IFT140: variants seen among roughly 807,000 people sequenced by gnomAD.
IFT140 encodes the protein intraflagellar transport 140.
In IFT140, 133 loss-of-function variants were observed where a neutral mutation model predicts 164.6. That is an observed-to-expected ratio of 0.81 (90% CI 0.70 to 0.93). IFT140 has a LOEUF of 0.93. Among genes scored for constraint, IFT140 ranks in the 40% least tolerant of loss-of-function variants. The pLI is 0.00. For missense variants in IFT140, 2,045 were observed against 1,972.3 expected (o/e 1.04, Z -0.70); for synonymous variants, 860 against 817.3 (o/e 1.05, Z -0.89).
At chr16:1,539,164 C>A (rs576731379) in intron 19 of IFT140, among the ~76,000 whole-genome samples, 1 of 151,998 alleles carries the variant, frequency 6.6e-6, no homozygotes, top group African/African-American at 2.4e-5. Context: ...CCAAGCTGCA[C>A]AGTGCCACGC....
chr16:1,534,201 T>C, intron 19 of IFT140: 3 of 1,568,624 alleles, frequency 1.9e-6, no homozygotes, highest in Non-Finnish European at 2.6e-6. Flanking sequence ...CCTAGCAGCG[T>C]CGGCTCTCCC....
chr16:1,582,962 G>A (rs1596407173), intron 12 of IFT140, among the ~76,000 whole-genome samples: 1 of 152,238 alleles, frequency 6.6e-6, no homozygotes, highest in East Asian at 1.9e-4. Context: ...GAGCATGTCT[G>A]AGGAGCCACC....
Position 1,525,888 on chromosome 16 carries a change from A to C in IFT140, c.2767T>G (p.Tyr923Asp). The change falls in exon 21 of 31, where the codon TAC becomes GAC. Residue 923 changes from tyrosine to aspartate, a missense_variant and splice_region_variant. Physicochemically the swap from Tyr to Asp is radical, Grantham distance 160. Transcript: ENST00000426508. Reference sequence around the variant, plus strand: ...AGAGGCCGCGAGGGCCGCACTCACTAACTGAGGGCCCGGCTGCAGTCGGCG... The same window carrying C: ...AGAGGCCGCGAGGGCCGCACTCACTCACTGAGGGCCCGGCTGCAGTCGGCG... ...ASADCSRALS[Y>D]YEKSDTHRFE... 1.3e-6 allele frequency: 2 copies of C among 1,540,584 alleles called. No homozygotes were observed. Among genetic ancestry groups the C allele is most frequent in the Non-Finnish European group, 1.7e-6 (2 of 1,144,182 alleles).
At chr16:1,562,740 C>T (rs2033486428) in intron 17 of IFT140, among the ~76,000 whole-genome samples, 1 of 152,026 alleles carries the variant, frequency 6.6e-6, no homozygotes, top group Admixed American at 6.6e-5. Flanking sequence ...CCAGTGCACT[C>T]CAGCCTGGGT....
chr16:1,565,424 G>A (rs763719102), intron 16 of IFT140, among the ~76,000 whole-genome samples: 1 of 152,114 alleles, frequency 6.6e-6, no homozygotes, highest in Non-Finnish European at 1.5e-5. Flanking sequence ...TGGATCTGAG[G>A]CGGAAGGTGT....
At chr16:1,593,016 TGGTG>T in intron 4 of IFT140, among the ~76,000 whole-genome samples, 1 of 148,926 alleles carries the variant, frequency 6.7e-6, no homozygotes, top group African/African-American at 2.5e-5. Flanking sequence ...GAGTGACTGG[TGGTG>T]GGACAGGTGT....
intron 7 of IFT140, among the ~76,000 whole-genome samples, chr16:1,589,288 C>T (rs571400254): frequency 9.6e-4 from 146 of 152,280 alleles, no homozygotes; most frequent in Non-Finnish European, 1.5e-3. Flanking sequence ...GAATGAGAGG[C>T]TGTGCAGCGA....
At chr16:1,568,419 T>C in intron 14 of IFT140, 85 bp from the exon 15 acceptor site, 1 of 1,098,698 alleles carries the variant, frequency 9.1e-7, no homozygotes. Context: ...GTTCACCGGA[T>C]GAGTGCTGCA....
At position 1,564,326 on chromosome 16, in the gene IFT140, T is replaced by C. The variant is rs528848172; in HGVS notation, c.1902-164A>G. ...GGGGTCTCACTGCCATGCGCCCTAC[T>C]GGAACATGTTCTCAGATTTTAACAA... On this transcript the variant is annotated intron_variant, in intron 16 of 30. Transcript: ENST00000426508. The surrounding 1 kb of genome is among the most constrained non-coding windows in gnomAD (Gnocchi z 5.5). Among the ~76,000 whole-genome samples the C allele has an allele frequency of 6.6e-6, 1 of 152,274 alleles. No homozygotes were observed. Among genetic ancestry groups the C allele is most frequent in the South Asian group, 2.1e-4 (1 of 4,828 alleles).
Position 1,554,737 on chromosome 16 carries a change from G to A in IFT140, c.2399+3198C>T, listed in dbSNP as rs139314899. ...GAGGGCTGGGGAAGGAGTGGAACCC[G>A]CCTTCCTCTCAGACAAGGCCTCTCA... On this transcript the variant is annotated intron_variant, in intron 19 of 30. Coordinates refer to ENST00000426508, the MANE Select transcript of IFT140 (RefSeq NM_014714.4). The A allele has an allele frequency of 1.0e-5, 16 of 1,604,066 alleles. No individual in the cohort carries two copies. In the Admixed American group the frequency reaches 1.7e-4, roughly 17 times the overall value.
chr16:1,604,521 A>T (rs772777202), intron 3 of IFT140: 28 of 152,344 alleles, frequency 1.8e-4, no homozygotes, highest in Non-Finnish European at 3.5e-4. Flanking sequence ...CAGACCTGGG[A>T]GGCGCTAGGG....
chr16:1,528,645 C>T (rs928642014), intron 19 of IFT140: 4 of 154,556 alleles, frequency 2.6e-5, no homozygotes, highest in African/African-American at 7.2e-5. Context: ...GGGCCACCCT[C>T]GCATTCCAGG....
intron 3 of IFT140, among the ~76,000 whole-genome samples, chr16:1,605,067 A>G (rs1415442315): frequency 1.3e-5 from 2 of 152,112 alleles, no homozygotes; most frequent in Non-Finnish European, 2.9e-5. Context: ...CAGGAGATGT[A>G]TGTCTGCAAG....
chr16:1,606,397 A>G (rs1274630996), intron 3 of IFT140, among the ~76,000 whole-genome samples: 1 of 152,238 alleles, frequency 6.6e-6, no homozygotes, highest in African/African-American at 2.4e-5. Context: ...AGAACTGCCC[A>G]CATACTAGGG....
At chr16:1,574,990 T>G (rs1170298638) in intron 13 of IFT140, among the ~76,000 whole-genome samples, 1 of 152,026 alleles carries the variant, frequency 6.6e-6, no homozygotes, top group Non-Finnish European at 1.5e-5. Context: ...CCAAGAAGGG[T>G]CATGAGGGAT....
chr16:1,563,976 A>G (rs1375731007), intron 17 of IFT140, 21 bp downstream of exon 17: 2 of 1,542,062 alleles, frequency 1.3e-6, no homozygotes, highest in South Asian at 2.4e-5. Flanking sequence ...TCTAAACTCA[A>G]ATACAACAGG....
At chr16:1,540,105 G>A (rs2031486857) in intron 19 of IFT140, among the ~76,000 whole-genome samples, 2 of 152,190 alleles carry the variant, frequency 1.3e-5, no homozygotes, top group South Asian at 4.1e-4. Flanking sequence ...GTGCCTCCAG[G>A]GATGCTGGGA....
chr16:1,539,090 T>C (rs1200930676), intron 19 of IFT140, among the ~76,000 whole-genome samples: 2 of 124,438 alleles, frequency 1.6e-5, no homozygotes, highest in African/African-American at 6.4e-5. Flanking sequence ...CAGTGCCAGA[T>C]GGCCCCCCAC....
At chr16:1,518,900 G>A (rs1477319490) in intron 29 of IFT140, among the ~76,000 whole-genome samples, 2 of 151,942 alleles carry the variant, frequency 1.3e-5, no homozygotes, top group African/African-American at 4.8e-5. Flanking sequence ...GGAGCCGTGT[G>A]GAGCTCAGGC....
Sources: allele counts gnomAD v4.1 joint callset (sites outside exome capture counted in the v4.1 genomes callset), GRCh38; gene constraint gnomAD v4.1.1; non-coding constraint Gnocchi (gnomAD v3.1); transcripts MANE v1.5; gene names NCBI Gene and HGNC (gene_info 2026-07-23, HGNC 2026-07-21).